HSD17B4: variants seen among roughly 807,000 people sequenced by gnomAD.
The protein encoded by HSD17B4 is peroxisomal multifunctional enzyme type 2.
A neutral mutation model predicts 101.0 loss-of-function variants in HSD17B4; 70 were observed. The observed-to-expected ratio is 0.69, with a 90% CI of 0.57 to 0.85. The LOEUF (loss-of-function observed/expected upper bound fraction) is 0.85, where lower values mean the gene tolerates loss of function less well. Ranked by LOEUF, HSD17B4 falls within the 40% of genes least tolerant of loss-of-function variation. The pLI is 0.00. For synonymous variants in HSD17B4, 347 were observed against 297.1 expected (o/e 1.17, Z -1.73); for missense variants, 984 against 892.4 (o/e 1.10, Z -1.31).
At chr5:119,477,547 T>TG (rs569164949) in intron 7 of HSD17B4, 46 bp downstream of exon 7, 1 of 1,209,774 alleles carries the variant, frequency 8.3e-7, no homozygotes, top group Non-Finnish European at 1.2e-6. Context: ...ATGTTGTGTC[T>TG]GGGGGTTCTT....
chr5:119,536,229 TG>T (rs1476783552), intron 22 of HSD17B4, 193 bp from the exon 23 acceptor site: 3 of 542,002 alleles, frequency 5.5e-6, no homozygotes, highest in Non-Finnish European at 9.9e-6. Context: ...CTCAAATTTC[TG>T]TATTCTTGTA....
intron 23 of HSD17B4, among the ~76,000 whole-genome samples, chr5:119,540,460 G>A (rs920369903): frequency 6.6e-6 from 1 of 152,076 alleles, no homozygotes; most frequent in Non-Finnish European, 1.5e-5. Context: ...GTCCAAAATT[G>A]ATATTTTTAC....
At chr5:119,455,179 C>A (rs1754485863) in intron 1 of HSD17B4, among the ~76,000 whole-genome samples, 1 of 152,160 alleles carries the variant, frequency 6.6e-6, no homozygotes, top group African/African-American at 2.4e-5. Flanking sequence ...CCACTAATTG[C>A]CAGTTTCTAA....
rs746702458 is a variant in HSD17B4 at position 119,489,251 on chromosome 5, G to C, written c.682G>C (p.Glu228Gln). ...VAPLVLWLCH[E>Q]SCEENGGLFE... ...ACCTCTTGTCCTTTGGCTTTGTCAC[G>C]AGAGTTGTGAGGAGAATGGTGGCTT... The change falls in exon 9 of 24, where the codon GAG becomes CAG. Residue 228 changes from glutamate to glutamine, a missense_variant. Coordinates refer to ENST00000510025, the MANE Select transcript of HSD17B4 (RefSeq NM_000414.4). 1.2e-6 allele frequency: 2 copies of C among 1,612,482 alleles called. No homozygotes were observed. The highest frequency in any genetic ancestry group is 1.7e-5 in the Admixed American group (1 of 59,948).
In HSD17B4 at chr5:119,473,838, C is replaced by CCA. The variant is rs10601221; in HGVS notation, c.113-53_113-52dup. 2.2e-3 allele frequency: 1,909 copies of CCA among 849,358 alleles called. 1 individual carries two copies. Among genetic ancestry groups the CCA allele is most frequent in the Middle Eastern group, 0.015 (69 of 4,520 alleles). 52.6% of individuals were successfully genotyped at this position (849,358 alleles called of 1,614,324 possible). On this transcript the variant is annotated intron_variant, in intron 2 of 23. Coordinates refer to ENST00000510025, the MANE Select transcript of HSD17B4 (RefSeq NM_000414.4). ...GTGCTAGTAATTAGAATTTCATTTT[C>CCA]CACACACACACACACACATTTTGAA...
At chr5:119,499,221 A>G (rs1750927086) in intron 12 of HSD17B4, 96 bp from the exon 13 acceptor site, 2 of 780,146 alleles carry the variant, frequency 2.6e-6, no homozygotes, top group East Asian at 2.6e-5. Flanking sequence ...CTAACATTCT[A>G]GTCACATCTA....
intron 17 of HSD17B4, among the ~76,000 whole-genome samples, chr5:119,516,463 G>A (rs1337193545): frequency 1.3e-5 from 2 of 151,602 alleles, no homozygotes; most frequent in Non-Finnish European, 2.9e-5. Context: ...TTTTTTTTCA[G>A]ATGACTAAAA....
chr5:119,536,331 C>A, intron 22 of HSD17B4, 92 bp from the exon 23 acceptor site: 2 of 1,125,074 alleles, frequency 1.8e-6, no homozygotes, highest in Non-Finnish European at 2.7e-6. Flanking sequence ...AACATGGAAA[C>A]TATAGAAATG....
intron 16 of HSD17B4, among the ~76,000 whole-genome samples, chr5:119,511,603 G>A (rs543208506): frequency 2.0e-5 from 3 of 152,220 alleles, no homozygotes; most frequent in Middle Eastern, 3.4e-3. Context: ...AGAGACCAAC[G>A]AGAGACAGTC....
chr5:119,500,031 A>G (rs1222856230), intron 13 of HSD17B4, among the ~76,000 whole-genome samples: 3 of 152,178 alleles, frequency 2.0e-5, no homozygotes, highest in African/African-American at 7.2e-5. Flanking sequence ...GGAGAAGGTC[A>G]TGGAGTAATT....
Position 119,474,407 on chromosome 5 carries a change from T to C in HSD17B4, c.227T>C (p.Val76Ala). 1 of 1,607,254 alleles carries C rather than the reference T, an allele frequency of 6.2e-7. No homozygotes were observed. Among genetic ancestry groups the C allele is most frequent in the Non-Finnish European group, 8.5e-7 (1 of 1,173,896 alleles). Residue 76 changes from valine to alanine, a missense_variant, in exon 4 of 24, where the codon GTG becomes GCG. By Grantham distance (64) the Val-to-Ala change is moderately conservative. Coordinates refer to ENST00000510025, the MANE Select transcript of HSD17B4 (RefSeq NM_000414.4). Reference sequence around the variant, plus strand: ...AAATTTTCCTTTCCCTCAGATTCAGTGGAAGAAGGAGAGAAGGTTGTGAAG... The same window carrying C: ...AAATTTTCCTTTCCCTCAGATTCAGCGGAAGAAGGAGAGAAGGTTGTGAAG... ...GGKAVANYDS[V>A]EEGEKVVKTA... is the part of the protein sequence containing the mutation.
intron 20 of HSD17B4, among the ~76,000 whole-genome samples, chr5:119,529,513 C>T (rs1753872971): frequency 6.6e-6 from 1 of 152,130 alleles, no homozygotes. Flanking sequence ...TCAGCATGGA[C>T]TGAATTCTGT....
In HSD17B4 at chr5:119,542,092, A is replaced by G. The variant is rs1304160032; in HGVS notation, c.*98A>G. 3 of 805,778 alleles carry G rather than the reference A, an allele frequency of 3.7e-6. No homozygotes were observed. The highest frequency in any genetic ancestry group is 6.4e-6 in the Non-Finnish European group (3 of 466,284). 49.9% of individuals were successfully genotyped at this position (805,778 alleles called of 1,614,324 possible). On this transcript the variant is annotated 3_prime_UTR_variant, in exon 24 of 24. Coordinates refer to ENST00000510025, the MANE Select transcript of HSD17B4 (RefSeq NM_000414.4). The stretch of plus-strand genomic sequence containing the variant: ...GCAAAAGTGATTAGAACTAAGATGC[A>G]GGGGAAATTGCTTAACATTTTCAGA...
At position 119,514,995 on chromosome 5, in the gene HSD17B4, A is replaced by G. The variant is rs376158204; in HGVS notation, c.1452A>G (p.Ile484Met). ...CTTAATTTTAGGTAGCTGTAGCCAT[A>G]CCTAATAGACCTCCTGATGCTGTAC... ...TSDKVKVAVA[I>M]PNRPPDAVLT... The change falls in exon 17 of 24, where the codon ATA (isoleucine) becomes ATG (methionine). Residue 484 changes from isoleucine to methionine, a missense_variant. Ile to Met is a conservative substitution (Grantham distance 10). Coordinates refer to ENST00000510025, the MANE Select transcript of HSD17B4 (RefSeq NM_000414.4). 22 of 1,566,200 alleles carry G rather than the reference A, an allele frequency of 1.4e-5. No individual in the cohort carries two copies. Among genetic ancestry groups the G allele is most frequent in the African/African-American group, 1.1e-4 (8 of 73,914 alleles).
At chr5:119,499,295 T>G in intron 12 of HSD17B4, 22 bp from the exon 13 acceptor site, 1 of 1,502,790 alleles carries the variant, frequency 6.7e-7, no homozygotes, top group Non-Finnish European at 9.3e-7. Flanking sequence ...TGAAATAAAT[T>G]ACTTTTTAAA....
intron 8 of HSD17B4, among the ~76,000 whole-genome samples, chr5:119,486,477 T>A (rs2126730464): frequency 6.6e-6 from 1 of 151,256 alleles, no homozygotes; most frequent in East Asian, 1.9e-4. Flanking sequence ...TACCTTTAAT[T>A]TTTTTTAATA....
chr5:119,492,917 A>ATCTG (rs1750245600), intron 10 of HSD17B4: 1 of 152,166 alleles, frequency 6.6e-6, no homozygotes, highest in Admixed American at 6.6e-5. Context: ...TGAATCAGTT[A>ATCTG]AAAGGTTGCT....
intron 6 of HSD17B4, 127 bp from the exon 7 acceptor site, chr5:119,477,290 C>G: frequency 1.5e-6 from 1 of 689,462 alleles, no homozygotes; most frequent in Non-Finnish European, 2.6e-6. Context: ...TGGGGTGTGA[C>G]AGTAGGCAAT....
chr5:119,455,894 G>A (rs1201905998), intron 1 of HSD17B4, among the ~76,000 whole-genome samples: 1 of 152,246 alleles, frequency 6.6e-6, no homozygotes, highest in East Asian at 1.9e-4. Context: ...AGGGATTAGG[G>A]AGCTGAATGA....
Sources: allele counts gnomAD v4.1 joint callset (sites outside exome capture counted in the v4.1 genomes callset), GRCh38; gene constraint gnomAD v4.1.1; transcripts MANE v1.5; gene names NCBI Gene and HGNC (gene_info 2026-07-23, HGNC 2026-07-21).